Variants in NAF1 observed in about 807,000 individuals in gnomAD.
NAF1 encodes nuclear assembly factor 1 ribonucleoprotein.
In NAF1, 11 loss-of-function variants were observed where a neutral mutation model predicts 40.6. The observed-to-expected ratio is 0.27, with a 90% confidence interval of 0.17 to 0.45. NAF1 has a LOEUF of 0.45. Among genes scored for constraint, NAF1 ranks in the 20% least tolerant of loss-of-function variants. NAF1 has a pLI of 1.00. For synonymous variants in NAF1, 260 were observed against 228.5 expected (o/e 1.14, Z -1.24); for missense variants, 607 against 611.1 (o/e 0.99, Z 0.07).
At chr4:163,148,813 C>A (rs766269526) in intron 2 of NAF1, among the ~76,000 whole-genome samples, 1 of 152,116 alleles carries the variant, frequency 6.6e-6, no homozygotes, top group Non-Finnish European at 1.5e-5. Context: ...TATAATTTCT[C>A]CACATAAGTT....
downstream of NAF1, among the ~76,000 whole-genome samples, chr4:163,128,297 T>C (rs1215778568): frequency 6.6e-6 from 1 of 152,144 alleles, no homozygotes; most frequent in Non-Finnish European, 1.5e-5. Context: ...ATAAAGGAAT[T>C]ATTTTGCACA....
chr4:163,149,505 T>C (rs932102690), intron 2 of NAF1, among the ~76,000 whole-genome samples: 1 of 152,352 alleles, frequency 6.6e-6, no homozygotes, highest in Non-Finnish European at 1.5e-5. Flanking sequence ...ATATGCTATT[T>C]TCTGATACAG....
chr4:163,132,443 C>A (rs890172298), intron 7 of NAF1, among the ~76,000 whole-genome samples: 2 of 152,150 alleles, frequency 1.3e-5, no homozygotes, highest in East Asian at 1.9e-4. Context: ...ACAGATACTA[C>A]GCTCAGTGGC....
intron 2 of NAF1, among the ~76,000 whole-genome samples, chr4:163,149,381 C>A (rs1298116365): frequency 2.6e-5 from 4 of 152,136 alleles, no homozygotes; most frequent in Non-Finnish European, 5.9e-5. Context: ...AAGTATACTG[C>A]AGACGAATGC....
At chr4:163,118,293 G>C (rs1415121550) in intron 2 of NAF1, among the ~76,000 whole-genome samples, 4 of 152,132 alleles carry the variant, frequency 2.6e-5, no homozygotes, top group Admixed American at 2.0e-4. Flanking sequence ...ACTAGAGTAG[G>C]GACAGGTGTA....
chr4:163,153,922 G>A (rs762122993), intron 2 of NAF1, among the ~76,000 whole-genome samples: 6 of 152,048 alleles, frequency 3.9e-5, no homozygotes, highest in African/African-American at 9.7e-5. Flanking sequence ...AACACTCACC[G>A]CGAAGATCTG....
intron 4 of NAF1, 129 bp downstream of exon 4, chr4:163,145,653 C>T (rs1731434770): frequency 3.2e-6 from 2 of 630,144 alleles, no homozygotes; most frequent in South Asian, 4.2e-5. Context: ...CAAGAACGTA[C>T]TGAAATTAGA....
intron 2 of NAF1, among the ~76,000 whole-genome samples, chr4:163,120,770 A>T (rs1730495505): frequency 6.6e-6 from 1 of 152,096 alleles, no homozygotes; most frequent in South Asian, 2.1e-4. Flanking sequence ...ATGAATCTGT[A>T]CTTTGTTTTC....
At chr4:163,127,467 C>A (rs998941948), downstream of NAF1, among the ~76,000 whole-genome samples, 1 of 152,158 alleles carries the variant, frequency 6.6e-6, no homozygotes, top group Non-Finnish European at 1.5e-5. Context: ...ATGATCAGAA[C>A]AGCTTGATGA....
chr4:163,159,785 C>A (rs1307924491), intron 2 of NAF1, among the ~76,000 whole-genome samples: 1 of 152,056 alleles, frequency 6.6e-6, no homozygotes, highest in Non-Finnish European at 1.5e-5. Context: ...TAATTTTTTT[C>A]TTGGTCATGC....
chr4:163,133,607 A>G (rs1730950903), intron 6 of NAF1: 1 of 186,188 alleles, frequency 5.4e-6, no homozygotes, highest in Non-Finnish European at 1.1e-5. Context: ...CCAATAAAAA[A>G]CAGAAGACAA....
At chr4:163,153,011 A>C (rs1376484673) in intron 2 of NAF1, among the ~76,000 whole-genome samples, 6 of 152,254 alleles carry the variant, frequency 3.9e-5, no homozygotes, top group Non-Finnish European at 7.4e-5. Flanking sequence ...AGGAGGGTGA[A>C]CTGGGTCCCC....
At chr4:163,122,481 CTA>C (rs1237575757), downstream of NAF1, among the ~76,000 whole-genome samples, 2 of 152,182 alleles carry the variant, frequency 1.3e-5, no homozygotes, top group Non-Finnish European at 2.9e-5. Context: ...TACATCTTCC[CTA>C]TGTCCCACTA....
At position 163,111,608 on chromosome 4, in the gene NAF1, C is replaced by G. The variant is rs531171392; in HGVS notation, c.115-1318G>C. 1.5e-3 allele frequency among the ~76,000 whole-genome samples: 227 copies of G among 152,086 alleles called. 1 individual carries two copies. Among genetic ancestry groups the G allele is most frequent in the African/African-American group, 5.0e-3 (208 of 41,510 alleles). On this transcript the variant is annotated intron_variant, in intron 2 of 2. Transcript: ENST00000509434. ...TCAGGGAGTTTGTGCATTTCTGAGT[C>G]CAAGTGTCTGGAAGAGAAATGTGTA...
At chr4:163,132,699 G>T (rs1180424589) in intron 7 of NAF1, among the ~76,000 whole-genome samples, 1 of 152,164 alleles carries the variant, frequency 6.6e-6, no homozygotes, top group South Asian at 2.1e-4. Context: ...ATATAGTTAT[G>T]CAAGATGTTG....
rs188136081 is a variant in NAF1, at chr4:163,115,174, A to G, written c.115-4884T>C. ...TTTCTGTTATTCTCAATAAAGTTTG[A>G]TACTATTGGCGATATAGGACAATAA... On this transcript the variant is annotated intron_variant, in intron 2 of 2. Transcript: ENST00000509434. Among the ~76,000 whole-genome samples, 14 of 147,214 alleles carry G rather than the reference A, an allele frequency of 9.5e-5. 1 individual carries two copies. Among genetic ancestry groups the G allele is most frequent in the African/African-American group, 5.0e-5 (2 of 40,396 alleles).
chr4:163,161,474 C>CT (rs1732218981), intron 2 of NAF1, among the ~76,000 whole-genome samples: 1 of 151,418 alleles, frequency 6.6e-6, no homozygotes, highest in Admixed American at 6.6e-5. Flanking sequence ...CTCTGTCCCC[C>CT]CTCACCAAAA....
In NAF1 at chr4:163,112,605, A is replaced by T. The variant is rs538140079; in HGVS notation, c.115-2315T>A. Reference sequence around the variant, plus strand: ...GACATTGGATTTGGGCTCCCCCTAGAAAGGTGCACTTAGGGCTCTCCATAA... The same window carrying T: ...GACATTGGATTTGGGCTCCCCCTAGTAAGGTGCACTTAGGGCTCTCCATAA... On this transcript the variant is annotated intron_variant, in intron 2 of 2. Coordinates refer to the NAF1 transcript ENST00000509434. 8.5e-5 allele frequency among the ~76,000 whole-genome samples: 13 copies of T among 152,238 alleles called. No homozygotes were observed. In the East Asian group the frequency reaches 2.5e-3, roughly 29 times the overall value.
intron 4 of NAF1, among the ~76,000 whole-genome samples, chr4:163,141,750 A>G (rs1731270462): frequency 6.6e-6 from 1 of 152,230 alleles, no homozygotes; most frequent in African/African-American, 2.4e-5. Context: ...AAAAGTTTTA[A>G]TGGAAATTAC....
Sources: gnomAD v4.1 joint callset for allele counts (sites outside exome capture counted in the v4.1 genomes callset) on GRCh38, gnomAD v4.1.1 for gene constraint, MANE v1.5 for transcripts, NCBI Gene and HGNC (gene_info 2026-07-23, HGNC 2026-07-21) for gene names.